The following NDUFAF2 variants were observed in gnomAD, a reference collection of about 807,000 sequenced individuals.
NDUFAF2 encodes the protein NADH:ubiquinone oxidoreductase complex assembly factor 2, also known as NADH dehydrogenase [ubiquinone] 1 alpha subcomplex assembly factor 2.
In NDUFAF2, 13 loss-of-function variants were observed where a neutral mutation model predicts 22.8. The observed-to-expected ratio is 0.57, with a 90% CI of 0.37 to 0.91. The LOEUF (loss-of-function observed/expected upper bound fraction) is 0.91. NDUFAF2 is among the 40% of genes least tolerant of loss of function. NDUFAF2 has a pLI of 0.01. For synonymous variants in NDUFAF2, 53 were observed against 64.2 expected (o/e 0.83, Z 0.84); for missense variants, 162 against 195.2 (o/e 0.83, Z 1.01).
At chr5:61,037,049 T>C (rs1304030264) in intron 1 of NDUFAF2, among the ~76,000 whole-genome samples, 2 of 152,124 alleles carry the variant, frequency 1.3e-5, no homozygotes, top group East Asian at 3.8e-4. Context: ...AAGCTGTAAA[T>C]AGTATAAGAC....
In NDUFAF2 at chr5:61,009,724, C is replaced by T. The variant is rs568988813; in HGVS notation, c.128-63401C>T. Among the ~76,000 whole-genome samples, 59 of 152,118 alleles carry T rather than the reference C, an allele frequency of 3.9e-4. 1 individual carries two copies. Among genetic ancestry groups the T allele is most frequent in the East Asian group, 3.9e-3 (20 of 5,168 alleles). On this transcript the variant is annotated intron_variant, in intron 1 of 3. Coordinates refer to ENST00000296597, the MANE Select transcript of NDUFAF2 (RefSeq NM_174889.5). ...GTCATGGAATTCACTCTCATGGCTC[C>T]AGTGCTGATTGCCCTAAAGCAAATC...
At chr5:61,012,653 G>A (rs1187015045) in intron 1 of NDUFAF2, among the ~76,000 whole-genome samples, 1 of 151,876 alleles carries the variant, frequency 6.6e-6, no homozygotes, top group Non-Finnish European at 1.5e-5. Flanking sequence ...AGTATTTCAT[G>A]TTGAGTAAAT....
chr5:61,003,082 T>C (rs1237197780), intron 1 of NDUFAF2, among the ~76,000 whole-genome samples: 2 of 152,140 alleles, frequency 1.3e-5, no homozygotes, highest in African/African-American at 4.8e-5. Context: ...CATTTGTGAC[T>C]CTACAGGAAA....
At chr5:60,979,930 G>GTTT in intron 1 of NDUFAF2, among the ~76,000 whole-genome samples, 1 of 152,260 alleles carries the variant, frequency 6.6e-6, no homozygotes, top group Non-Finnish European at 1.5e-5. Context: ...AGGGATGCTT[G>GTTT]TTTTACCTCT....
chr5:61,044,417 A>G (rs1295265596), intron 1 of NDUFAF2, among the ~76,000 whole-genome samples: 1 of 152,176 alleles, frequency 6.6e-6, no homozygotes, highest in African/African-American at 2.4e-5. Context: ...CATATCCAAG[A>G]CATCACTGCC....
intron 3 of NDUFAF2, among the ~76,000 whole-genome samples, chr5:61,113,603 A>G (rs1371254775): frequency 6.6e-6 from 1 of 152,060 alleles, no homozygotes; most frequent in Admixed American, 6.6e-5. Flanking sequence ...TGATGGTTTT[A>G]TAAGGGGTTT....
At chr5:60,983,836 A>C (rs1253293790) in intron 1 of NDUFAF2, among the ~76,000 whole-genome samples, 1 of 152,122 alleles carries the variant, frequency 6.6e-6, no homozygotes, top group African/African-American at 2.4e-5. Flanking sequence ...AGGTAGCATG[A>C]TGCCTCCAGC....
chr5:61,045,556 G>A (rs2111689741), intron 1 of NDUFAF2, among the ~76,000 whole-genome samples: 1 of 151,948 alleles, frequency 6.6e-6, no homozygotes, highest in Middle Eastern at 3.4e-3. Flanking sequence ...CCAGGCTGGT[G>A]TTGAACCCCA....
chr5:61,132,759 G>A (rs1753128394), intron 3 of NDUFAF2, among the ~76,000 whole-genome samples: 1 of 152,068 alleles, frequency 6.6e-6, no homozygotes, highest in Non-Finnish European at 1.5e-5. Context: ...GTTTCGAGTA[G>A]TAACTGCTTG....
chr5:61,001,799 CCTT>C (rs1751299277), intron 1 of NDUFAF2, among the ~76,000 whole-genome samples: 1 of 152,126 alleles, frequency 6.6e-6, no homozygotes, highest in Non-Finnish European at 1.5e-5. Context: ...CGTGATCAAA[CCTT>C]CTTATATGGT....
intron 3 of NDUFAF2, among the ~76,000 whole-genome samples, chr5:61,120,017 C>T (rs915501593): frequency 6.6e-6 from 1 of 152,078 alleles, no homozygotes; most frequent in Non-Finnish European, 1.5e-5. Context: ...GTTAATTTGC[C>T]TATGCATACA....
intron 1 of NDUFAF2, among the ~76,000 whole-genome samples, chr5:60,952,103 T>C (rs1304391966): frequency 1.3e-5 from 2 of 151,954 alleles, no homozygotes; most frequent in Admixed American, 1.3e-4. Flanking sequence ...GCTATTGTTT[T>C]CTTGGCCTAT....
At chr5:60,997,749 A>G (rs1455316826) in intron 1 of NDUFAF2, among the ~76,000 whole-genome samples, 2 of 152,200 alleles carry the variant, frequency 1.3e-5, no homozygotes, top group African/African-American at 2.4e-5. Context: ...TCTTCACTTC[A>G]CTGTGCTTGG....
intron 3 of NDUFAF2, among the ~76,000 whole-genome samples, chr5:61,134,136 C>T (rs908943839): frequency 6.6e-6 from 1 of 151,868 alleles, no homozygotes; most frequent in Admixed American, 6.6e-5. Context: ...ATAGAATGTT[C>T]GTGATATATT....
chr5:60,990,759 C>A (rs1317530552), intron 1 of NDUFAF2, among the ~76,000 whole-genome samples: 1 of 152,058 alleles, frequency 6.6e-6, no homozygotes, highest in Admixed American at 6.6e-5. Flanking sequence ...ACGTAACCAC[C>A]TTGAAGATGA....
At chr5:61,047,729 C>T (rs1751971396) in intron 1 of NDUFAF2, among the ~76,000 whole-genome samples, 1 of 152,098 alleles carries the variant, frequency 6.6e-6, no homozygotes, top group African/African-American at 2.4e-5. Flanking sequence ...AAGAATCAAC[C>T]CAGCTATTTC....
intron 1 of NDUFAF2, among the ~76,000 whole-genome samples, chr5:60,954,730 C>T (rs1445680002): frequency 6.6e-6 from 1 of 151,492 alleles, no homozygotes; most frequent in African/African-American, 2.4e-5. Flanking sequence ...CAGGCATGAG[C>T]CACCGTGCTC....
intron 1 of NDUFAF2, among the ~76,000 whole-genome samples, chr5:61,044,843 T>C (rs1488155965): frequency 6.6e-6 from 1 of 152,032 alleles, no homozygotes; most frequent in Admixed American, 6.6e-5. Flanking sequence ...TTAAGATTGT[T>C]TTTTCTATCT....
chr5:61,135,019 AAAAT>A (rs1211931084), intron 3 of NDUFAF2, among the ~76,000 whole-genome samples: 2 of 152,018 alleles, frequency 1.3e-5, no homozygotes, highest in African/African-American at 4.8e-5. Flanking sequence ...ACACATATTT[AAAAT>A]AAATATATTA....
Sources: allele counts gnomAD v4.1 joint callset (sites outside exome capture counted in the v4.1 genomes callset), GRCh38; gene constraint gnomAD v4.1.1; transcripts MANE v1.5; gene names NCBI Gene and HGNC (gene_info 2026-07-23, HGNC 2026-07-21).